The following SGCD variants were observed in gnomAD, a reference collection of about 807,000 sequenced individuals.
SGCD encodes the protein delta-sarcoglycan.
Under a neutral mutation model 36.6 loss-of-function variants are expected in SGCD, and 18 were observed. The ratio of observed to expected loss-of-function variants is 0.49; its 90% CI spans 0.34 to 0.73. SGCD has a LOEUF of 0.73. Among genes scored for constraint, SGCD ranks in the 30% least tolerant of loss-of-function variants. The probability of loss-of-function intolerance (pLI) is 0.01; values close to 1 mark genes in which losing one functional copy is unlikely to be tolerated. For missense variants in SGCD, 387 were observed against 346.7 expected (o/e 1.12, Z -0.92); for synonymous variants, 133 against 130.6 (o/e 1.02, Z -0.12).
the SGCD span, among the ~76,000 whole-genome samples, chr5:155,772,072 A>G: frequency 6.6e-6 from 1 of 152,182 alleles, no homozygotes; most frequent in Non-Finnish European, 1.5e-5. Context: ...CTTGGTTTCC[A>G]TAGTTAAGCT....
chr5:156,099,753 C>T (rs891304309), intron 1 of SGCD, among the ~76,000 whole-genome samples: 1 of 151,954 alleles, frequency 6.6e-6, no homozygotes, highest in African/African-American at 2.4e-5. Context: ...GGTCTAGACT[C>T]ATAGTAGATT....
chr5:156,669,309 C>T (rs1376863071), intron 7 of SGCD, among the ~76,000 whole-genome samples: 1 of 152,130 alleles, frequency 6.6e-6, no homozygotes, highest in Non-Finnish European at 1.5e-5. Flanking sequence ...ATTAAACGTA[C>T]ATTTCCTGGA....
chr5:156,099,697 G>A (rs908598750), intron 1 of SGCD, among the ~76,000 whole-genome samples: 2 of 152,168 alleles, frequency 1.3e-5, no homozygotes, highest in African/African-American at 2.4e-5. Context: ...TTACAGGCAT[G>A]AGCCACTGTG....
At chr5:156,502,267 C>T (rs1431382541) in intron 3 of SGCD, among the ~76,000 whole-genome samples, 9 of 151,974 alleles carry the variant, frequency 5.9e-5, no homozygotes, top group Non-Finnish European at 1.0e-4. Context: ...AGGATGGTCT[C>T]GATCTCCTGA....
At chr5:156,172,381 C>A (rs779339979) in intron 3 of SGCD, among the ~76,000 whole-genome samples, 16 of 152,240 alleles carry the variant, frequency 1.1e-4, no homozygotes, top group Non-Finnish European at 1.8e-4. Context: ...CATGTTACAG[C>A]ACCTGCTCTC....
chr5:156,410,899 C>T (rs1772710782), intron 3 of SGCD, among the ~76,000 whole-genome samples: 1 of 151,948 alleles, frequency 6.6e-6, no homozygotes, highest in African/African-American at 2.4e-5. Context: ...TGGACAAGAT[C>T]AACTCTCACT....
intron 7 of SGCD, among the ~76,000 whole-genome samples, chr5:156,755,313 C>T (rs921530608): frequency 6.6e-6 from 1 of 152,070 alleles, no homozygotes; most frequent in Non-Finnish European, 1.5e-5. Context: ...AAGAGGTGAG[C>T]AGGAAGTATA....
At chr5:156,085,368 G>T (rs1428403819) in intron 1 of SGCD, among the ~76,000 whole-genome samples, 4 of 152,190 alleles carry the variant, frequency 2.6e-5, no homozygotes, top group East Asian at 3.9e-4. Flanking sequence ...ATAGTGAGTT[G>T]TCAGGAGATC....
At chr5:155,817,113 A>G in the SGCD span, among the ~76,000 whole-genome samples, 1 of 152,226 alleles carries the variant, frequency 6.6e-6, no homozygotes, top group Non-Finnish European at 1.5e-5. Context: ...TAACTTTAAC[A>G]GTATAAATTT....
intron 1 of SGCD, among the ~76,000 whole-genome samples, chr5:155,947,364 T>TTGGAATA (rs1757460856): frequency 4.0e-5 from 6 of 151,220 alleles, no homozygotes; most frequent in Non-Finnish European, 8.8e-5. Context: ...TTTTTATTAT[T>TTGGAATA]AAGATCTTGG....
the SGCD span, among the ~76,000 whole-genome samples, chr5:155,823,305 A>G: frequency 0.04 from 1,266 of 31,760 alleles, 20 homozygotes; most frequent in African/African-American, 0.29. Flanking sequence ...AGTGAAGCAG[A>G]AAAAAAAAAA....
chr5:156,135,178 T>C (rs1436772291), intron 3 of SGCD, among the ~76,000 whole-genome samples: 2 of 152,206 alleles, frequency 1.3e-5, no homozygotes, highest in East Asian at 1.9e-4. Flanking sequence ...TCATGACTTA[T>C]TGATTCTTTT....
chr5:156,253,392 T>C (rs1182647201), intron 3 of SGCD, among the ~76,000 whole-genome samples: 3 of 152,176 alleles, frequency 2.0e-5, no homozygotes, highest in African/African-American at 4.8e-5. Context: ...CAGTTTCAAT[T>C]TTATATTTAC....
At chr5:155,846,767 T>C in the SGCD span, among the ~76,000 whole-genome samples, 1 of 152,224 alleles carries the variant, frequency 6.6e-6, no homozygotes, top group Non-Finnish European at 1.5e-5. Flanking sequence ...AATATTCTGC[T>C]TCTAATGCTG....
chr5:156,327,723 A>G (rs1767875257), intron 1 of SGCD, among the ~76,000 whole-genome samples: 1 of 152,226 alleles, frequency 6.6e-6, no homozygotes, highest in Non-Finnish European at 1.5e-5. Flanking sequence ...TCTACGTTGG[A>G]TGACACTTTC....
chr5:156,535,044 T>C (rs768715100), intron 4 of SGCD, among the ~76,000 whole-genome samples: 3 of 152,238 alleles, frequency 2.0e-5, no homozygotes, highest in Non-Finnish European at 4.4e-5. Context: ...AATTGTACCT[T>C]CTGAGCTGAA....
intron 1 of SGCD, among the ~76,000 whole-genome samples, chr5:155,976,357 G>C (rs78530188): frequency 0.02 from 3,034 of 152,194 alleles, 114 homozygotes; most frequent in African/African-American, 0.069. Context: ...TAGAAAAAGA[G>C]ACACAAAACA....
chr5:155,829,580 G>A, the SGCD span, among the ~76,000 whole-genome samples: 5 of 152,168 alleles, frequency 3.3e-5, no homozygotes, highest in Non-Finnish European at 5.9e-5. Context: ...ACATCTTCAG[G>A]CCTCGAAGGA....
At chr5:156,032,194 T>C (rs947803738) in intron 1 of SGCD, among the ~76,000 whole-genome samples, 4 of 152,158 alleles carry the variant, frequency 2.6e-5, no homozygotes, top group African/African-American at 4.8e-5. Context: ...ATAAACATAC[T>C]TCTACAATAT....
Sources: allele counts gnomAD v4.1 joint callset (sites outside exome capture counted in the v4.1 genomes callset), GRCh38; gene constraint gnomAD v4.1.1; transcripts MANE v1.5; gene names NCBI Gene and HGNC (gene_info 2026-07-23, HGNC 2026-07-21).